Variants in NAF1 observed in about 807,000 individuals in gnomAD.
NAF1 encodes H/ACA ribonucleoprotein complex non-core subunit NAF1.
A neutral mutation model predicts 40.6 loss-of-function variants in NAF1; 11 were observed. The observed-to-expected ratio is 0.27, with a 90% CI of 0.17 to 0.45. The LOEUF (loss-of-function observed/expected upper bound fraction) is 0.45, where lower values mean the gene tolerates loss of function less well. NAF1 is among the 20% of genes least tolerant of loss of function. NAF1 has a pLI of 1.00. For missense variants in NAF1, 607 were observed against 611.1 expected (o/e 0.99, Z 0.07); for synonymous variants, 260 against 228.5 (o/e 1.14, Z -1.24).
chr4:163,147,807 T>TA (rs1206447655), intron 3 of NAF1, among the ~76,000 whole-genome samples: 1 of 152,022 alleles, frequency 6.6e-6, no homozygotes, highest in Non-Finnish European at 1.5e-5. Flanking sequence ...CACATGTGGT[T>TA]AGAGTGAGGT....
intron 7 of NAF1, among the ~76,000 whole-genome samples, chr4:163,130,655 A>G (rs1730835215): frequency 1.3e-5 from 2 of 152,244 alleles, no homozygotes; most frequent in Admixed American, 6.5e-5. Context: ...ATAAACGGAT[A>G]TTTAACGAAG....
chr4:163,154,007 G>A (rs1731860013), intron 2 of NAF1, among the ~76,000 whole-genome samples: 1 of 151,844 alleles, frequency 6.6e-6, no homozygotes, highest in African/African-American at 2.4e-5. Flanking sequence ...GCCGCCTTAA[G>A]AGCTGTAACA....
In NAF1 at chr4:163,148,443, T is replaced by G; in HGVS notation, c.541-9A>C. The G allele has an allele frequency of 6.5e-7, 1 of 1,541,906 alleles. No individual in the cohort carries two copies. The highest frequency in any genetic ancestry group is 8.7e-7 in the Non-Finnish European group (1 of 1,145,260). On this transcript the variant is annotated splice_polypyrimidine_tract_variant and intron_variant, in intron 2 of 7. Transcript: ENST00000274054. ...TCAACAGAAGGCAGTTCCTATAATT[T>G]AAAACAAAACAAAACATTAAACTTC...
intron 2 of NAF1, among the ~76,000 whole-genome samples, chr4:163,153,079 C>A (rs994572872): frequency 6.6e-6 from 1 of 152,348 alleles, no homozygotes; most frequent in Admixed American, 6.5e-5. Flanking sequence ...TAGCTGCCTT[C>A]CTGCGGGGCA....
chr4:163,107,565 T>C (rs1446422563), downstream of NAF1, among the ~76,000 whole-genome samples: 1 of 152,212 alleles, frequency 6.6e-6, no homozygotes, highest in Non-Finnish European at 1.5e-5. Flanking sequence ...GTCCCAGATC[T>C]AAGCACAGTC....
chr4:163,133,416 T>C (rs953525365), intron 6 of NAF1, 160 bp from the exon 7 acceptor site: 16 of 549,360 alleles, frequency 2.9e-5, no homozygotes, highest in Admixed American at 1.9e-4. Context: ...TTAGACATGG[T>C]ATAAAAATAA....
downstream of NAF1, among the ~76,000 whole-genome samples, chr4:163,124,264 G>A (rs59697411): frequency 6.4e-3 from 977 of 152,252 alleles, 14 homozygotes; most frequent in African/African-American, 0.022. Context: ...TTTAGTGTCC[G>A]GTGATGGTTG....
downstream of NAF1, among the ~76,000 whole-genome samples, chr4:163,128,479 A>T (rs1396944872): frequency 6.6e-6 from 1 of 152,106 alleles, no homozygotes; most frequent in South Asian, 2.1e-4. Flanking sequence ...ATTGATTTCC[A>T]AAGTATAAAT....
chr4:163,107,327 G>T (rs868363443), downstream of NAF1, among the ~76,000 whole-genome samples: 1 of 152,172 alleles, frequency 6.6e-6, no homozygotes, highest in Admixed American at 6.5e-5. Flanking sequence ...GCTAGTAAAG[G>T]GGATCATTGG....
intron 6 of NAF1, chr4:163,135,222 CT>C (rs1731009780): frequency 6.6e-6 from 1 of 152,040 alleles, no homozygotes; most frequent in African/African-American, 2.4e-5. Flanking sequence ...TCCTTTTTCT[CT>C]TTTTAAGTTT....
At position 163,164,289 on chromosome 4, in the gene NAF1, T is replaced by C; in HGVS notation, c.468A>G (p.Gly156=). The change falls in exon 2 of 8, where the codon GGA becomes GGG. Residue 156 remains glycine (G), a synonymous_variant. Coordinates refer to ENST00000274054, the MANE Select transcript of NAF1 (RefSeq NM_138386.3). ...CISLPPVLSD[G]DDDLQIEKEN... The stretch of plus-strand genomic sequence containing the variant: ...CCTTCTCAATTTGTAAATCATCATC[T>C]CCATCTGACAGCACTGGAGGAAGTG... 1.0e-5 allele frequency: 16 copies of C among 1,592,928 alleles called. No homozygotes were observed. Among genetic ancestry groups the C allele is most frequent in the Non-Finnish European group, 1.4e-5 (16 of 1,172,944 alleles).
intron 2 of NAF1, 107 bp from the exon 3 acceptor site, chr4:163,148,541 T>C: frequency 4.2e-6 from 3 of 722,724 alleles, no homozygotes; most frequent in Non-Finnish European, 7.0e-6. Context: ...ATGCTTTAAG[T>C]GCTTAGAGCA....
At chr4:163,154,160 G>A (rs1410324002) in intron 2 of NAF1, among the ~76,000 whole-genome samples, 1 of 152,222 alleles carries the variant, frequency 6.6e-6, no homozygotes, top group East Asian at 1.9e-4. Context: ...TCACCGCGAA[G>A]GTCTGCGGCT....
intron 2 of NAF1, among the ~76,000 whole-genome samples, chr4:163,115,136 A>G (rs528321023): frequency 3.2e-4 from 48 of 152,112 alleles, no homozygotes; most frequent in African/African-American, 1.0e-3. Flanking sequence ...CAGGCATGAA[A>G]GACTCTACAT....
chr4:163,106,570 A>G (rs1730052824), downstream of NAF1, among the ~76,000 whole-genome samples: 1 of 121,774 alleles, frequency 8.2e-6, no homozygotes, highest in South Asian at 3.2e-4. Context: ...CTGAAATAAT[A>G]TGAATAGTAA....
chr4:163,155,908 G>T (rs1270649497), intron 2 of NAF1, among the ~76,000 whole-genome samples: 1 of 149,470 alleles, frequency 6.7e-6, no homozygotes, highest in Non-Finnish European at 1.5e-5. Flanking sequence ...GATGTAAAAG[G>T]CATACTAATA....
chr4:163,157,821 A>G (rs1252913114), intron 2 of NAF1, among the ~76,000 whole-genome samples: 1 of 152,126 alleles, frequency 6.6e-6, no homozygotes, highest in Non-Finnish European at 1.5e-5. Context: ...AAATGAGGTT[A>G]TAGACATACC....
intron 7 of NAF1, among the ~76,000 whole-genome samples, chr4:163,130,308 G>A (rs927556894): frequency 6.6e-6 from 1 of 151,964 alleles, no homozygotes; most frequent in African/African-American, 2.4e-5. Context: ...AGGTATTAAA[G>A]CAGTCATAAA....
intron 2 of NAF1, among the ~76,000 whole-genome samples, chr4:163,162,874 C>T (rs560363606): frequency 1.4e-4 from 22 of 152,298 alleles, no homozygotes; most frequent in South Asian, 6.2e-4. Flanking sequence ...TGTTCTTGGA[C>T]TCCTTGTGGC....
Sources: gnomAD v4.1 joint callset for allele counts (sites outside exome capture counted in the v4.1 genomes callset) on GRCh38, gnomAD v4.1.1 for gene constraint, MANE v1.5 for transcripts, NCBI Gene and HGNC (gene_info 2026-07-23, HGNC 2026-07-21) for gene names.